STON2: variants seen among roughly 807,000 people sequenced by gnomAD.
STON2 encodes the protein stonin-2.
A neutral mutation model predicts 65.7 loss-of-function variants in STON2; 29 were observed. The observed-to-expected ratio is 0.44, with a 90% CI of 0.33 to 0.60. STON2 has a LOEUF of 0.60. STON2 is among the 20% of genes least tolerant of loss of function. The probability of loss-of-function intolerance (pLI) is 0.03; values close to 1 mark genes in which losing one functional copy is unlikely to be tolerated. For missense variants in STON2, 1,054 were observed against 1,118.1 expected, an observed-to-expected ratio of 0.94 and a Z score of 0.82; for synonymous variants, 404 against 414.2, an observed-to-expected ratio of 0.98 and a Z score of 0.30.
chr14:81,388,299 G>A (rs1385594872), intron 3 of STON2, among the ~76,000 whole-genome samples: 1 of 151,564 alleles, frequency 6.6e-6, no homozygotes, highest in Non-Finnish European at 1.5e-5. Context: ...TTTTTCCCTG[G>A]CCAACCGTGA....
At position 81,396,160 on chromosome 14, in the gene STON2, A is replaced by G; in HGVS notation, c.107T>C (p.Leu36Pro). Residue 36 changes from leucine to proline, a missense_variant, in exon 3 of 8, where the codon CTC becomes CCC. Coordinates refer to ENST00000614646, the MANE Select transcript of STON2 (RefSeq NM_001394390.1). ...AHSQGGTEEHLPGLSSSPDQS... is the reference protein window; with the variant it reads ...AHSQGGTEEHPPGLSSSPDQS... ...GTCTGGGGAAGATGACAGTCCTGGG[A>G]GGTGCTCTTCCGTGCCCCCTGAAAC... 1 of 1,611,940 alleles carries G rather than the reference A, an allele frequency of 6.2e-7. No homozygotes were observed. Among genetic ancestry groups the G allele is most frequent in the Non-Finnish European group, 8.5e-7 (1 of 1,178,944 alleles).
chr14:81,311,474 T>C (rs964771206), intron 5 of STON2, among the ~76,000 whole-genome samples: 3 of 152,170 alleles, frequency 2.0e-5, no homozygotes, highest in Non-Finnish European at 4.4e-5. Context: ...AGTAACAATT[T>C]TAAAAATCAT....
At chr14:81,418,554 T>C (rs1901552207) in intron 2 of STON2, among the ~76,000 whole-genome samples, 1 of 151,840 alleles carries the variant, frequency 6.6e-6, no homozygotes, top group South Asian at 2.1e-4. Context: ...TACAGCTTTG[T>C]AAAAAAAAGG....
At chr14:81,287,698 G>A (rs752104487) in intron 5 of STON2, among the ~76,000 whole-genome samples, 2 of 152,134 alleles carry the variant, frequency 1.3e-5, no homozygotes, top group African/African-American at 2.4e-5. Flanking sequence ...ACAGCCTCAC[G>A]TGGTGACCAA....
upstream of STON2, among the ~76,000 whole-genome samples, chr14:81,401,658 G>C (rs1900617921): frequency 6.6e-6 from 1 of 152,178 alleles, no homozygotes; most frequent in African/African-American, 2.4e-5. Flanking sequence ...CACCACAAAT[G>C]AGTGGTGACT....
At chr14:81,270,649 C>A (rs1192620325) in intron 7 of STON2, 21 bp downstream of exon 7, 2 of 1,614,074 alleles carry the variant, frequency 1.2e-6, no homozygotes, top group Non-Finnish European at 1.7e-6. Flanking sequence ...GAAGCATTAG[C>A]CAGATGCTTC....
At chr14:81,411,244 C>A (rs529286368) in intron 2 of STON2, among the ~76,000 whole-genome samples, 1 of 152,188 alleles carries the variant, frequency 6.6e-6, no homozygotes, top group East Asian at 1.9e-4. Flanking sequence ...GGGATGTTAA[C>A]ATTTTAGAAT....
rs904536844 is a variant in STON2, at chr14:81,263,880, T to C, written c.*4534A>G. On this transcript the variant is annotated 3_prime_UTR_variant, in exon 8 of 8. Coordinates refer to ENST00000614646, the MANE Select transcript of STON2 (RefSeq NM_001394390.1). Reference sequence around the variant, plus strand: ...TTCTGTTTTCCCACCACTAAACTTATGGTGAAATATATATCACCTCTGAAA... The same window carrying C: ...TTCTGTTTTCCCACCACTAAACTTACGGTGAAATATATATCACCTCTGAAA... The C allele has an allele frequency of 2.4e-5, 24 of 985,344 alleles. No individual in the cohort carries two copies. The highest frequency in any genetic ancestry group is 5.2e-4 in the Middle Eastern group (1 of 1,936). The allele number at this position is 985,344 out of a possible 1,614,324, so 61.0% of individuals were successfully genotyped here.
At chr14:81,308,825 T>TAAAA (rs1566901380) in intron 5 of STON2, among the ~76,000 whole-genome samples, 4 of 6,820 alleles carry the variant, frequency 5.9e-4, no homozygotes, top group Admixed American at 5.6e-3. Flanking sequence ...TATATATATA[T>TAAAA]GTGTGTGTGT....
intron 2 of STON2, among the ~76,000 whole-genome samples, chr14:81,416,494 G>A (rs966557617): frequency 6.6e-6 from 1 of 152,220 alleles, no homozygotes; most frequent in Non-Finnish European, 1.5e-5. Flanking sequence ...GAAGGTACCG[G>A]AGGCAGGGTC....
At chr14:81,340,869 C>T (rs1897581944) in intron 4 of STON2, among the ~76,000 whole-genome samples, 1 of 151,122 alleles carries the variant, frequency 6.6e-6, no homozygotes, top group Admixed American at 6.6e-5. Flanking sequence ...TCAATATATA[C>T]TATATAGATT....
In STON2 at chr14:81,267,377, G is replaced by A. The variant is rs993920639; in HGVS notation, c.*1037C>T. 6 of 985,232 alleles carry A rather than the reference G, an allele frequency of 6.1e-6. No individual in the cohort carries two copies. The African/African-American group carries it at 1.0e-4, about 17-fold the overall frequency. 61.0% of individuals were successfully genotyped at this position (985,232 alleles called of 1,614,324 possible). A position where few individuals can be genotyped will look rare whatever the true frequency, so the allele number is the denominator to read the frequency against. The stretch of plus-strand genomic sequence containing the variant: ...ATCAAACTCTGAATTTTGGGGGAAA[G>A]CTCATTCAAGCTTAATTTTAAAACA... On this transcript the variant is annotated 3_prime_UTR_variant, in exon 8 of 8. Coordinates refer to ENST00000614646, the MANE Select transcript of STON2 (RefSeq NM_001394390.1).
chr14:81,267,142 A>ACAC lies in STON2; in HGVS notation c.*1269_*1271dup. ...CGACTTGTATTCTTCATGGGAGAAAACACTAAGATACAAATAAGAAGCAGA... is the reference window on the plus strand; with the variant it reads ...CGACTTGTATTCTTCATGGGAGAAAACACCACTAAGATACAAATAAGAAGCAGA... On this transcript the variant is annotated 3_prime_UTR_variant, in exon 8 of 8. Transcript: ENST00000614646. 6 of 985,384 alleles carry ACAC rather than the reference A, an allele frequency of 6.1e-6. No homozygotes were observed. The highest frequency in any genetic ancestry group is 7.2e-6 in the Non-Finnish European group (6 of 829,922). The allele number at this position is 985,384 out of a possible 1,614,324, so 61.0% of individuals were successfully genotyped here.
At position 81,370,993 on chromosome 14, in the gene STON2, G is replaced by A. The variant is rs1898958725; in HGVS notation, c.566C>T (p.Ser189Leu). ...QTSGQASGAD[S>L]TDKRTEWQTG... Reference sequence around the variant, plus strand: ...GGCTTAGAGCTCCATCTTACCAGTTGAGTCAGCCCCAGAAGCCTGGCCACT... The same window carrying A: ...GGCTTAGAGCTCCATCTTACCAGTTAAGTCAGCCCCAGAAGCCTGGCCACT... Residue 189 changes from serine to leucine, a missense_variant, in exon 4 of 8, where the codon TCA (serine) becomes TTA (leucine). Physicochemically the swap from Ser to Leu is moderately radical, Grantham distance 145 (BLOSUM62 -2). Transcript: ENST00000614646. 6.2e-7 allele frequency: 1 copy of A among 1,612,380 alleles called. No individual in the cohort carries two copies. The highest frequency in any genetic ancestry group is 8.5e-7 in the Non-Finnish European group (1 of 1,179,828).
At chr14:81,427,175 T>C (rs1902019146) in exon 2 of STON2, 1 of 152,178 alleles carries the variant, frequency 6.6e-6, no homozygotes, top group African/African-American at 2.4e-5. Flanking sequence ...CCCTGCTCCA[T>C]CCACGAGATG....
At chr14:81,365,274 G>C (rs967999626) in intron 4 of STON2, among the ~76,000 whole-genome samples, 2 of 152,080 alleles carry the variant, frequency 1.3e-5, no homozygotes, top group South Asian at 4.1e-4. Context: ...TCGTGAACCT[G>C]GTGCCATCCC....
At chr14:81,280,710 A>C (rs1210344784) in intron 5 of STON2, among the ~76,000 whole-genome samples, 1 of 152,162 alleles carries the variant, frequency 6.6e-6, no homozygotes, top group African/African-American at 2.4e-5. Flanking sequence ...TGAAAACGTA[A>C]GTTTGAAAAT....
intron 4 of STON2, among the ~76,000 whole-genome samples, chr14:81,337,365 G>T (rs1430959462): frequency 1.3e-5 from 2 of 152,204 alleles, no homozygotes; most frequent in Non-Finnish European, 2.9e-5. Flanking sequence ...CTATGTGCCA[G>T]GCACCGGTGA....
At chr14:81,271,704 GTTA>G (rs1894600532) in intron 6 of STON2, among the ~76,000 whole-genome samples, 1 of 152,204 alleles carries the variant, frequency 6.6e-6, no homozygotes, top group Non-Finnish European at 1.5e-5. Context: ...CTTGAGAATT[GTTA>G]TTGAGATTTT....
Sources: allele counts gnomAD v4.1 joint callset (sites outside exome capture counted in the v4.1 genomes callset), GRCh38; gene constraint gnomAD v4.1.1; transcripts MANE v1.5; gene names NCBI Gene and HGNC (gene_info 2026-07-23, HGNC 2026-07-21).